Variants in CACNA1C observed in about 807,000 individuals in gnomAD.
CACNA1C encodes the protein calcium voltage-gated channel subunit alpha1 C.
Under a neutral mutation model 229.0 loss-of-function variants are expected in CACNA1C, and 30 were observed. That is an observed-to-expected ratio of 0.13 (90% CI 0.10 to 0.18). The LOEUF is 0.18. Ranked by LOEUF, CACNA1C falls within the 10% of genes least tolerant of loss-of-function variation. The pLI is 1.00. For missense variants in CACNA1C, 1,658 were observed against 2,845.0 expected, an observed-to-expected ratio of 0.58 and a Z score of 9.49; for synonymous variants, 1,114 against 1,132.5, an observed-to-expected ratio of 0.98 and a Z score of 0.33.
intron 29 of CACNA1C, among the ~76,000 whole-genome samples, chr12:2,621,627 G>C (rs891473613): frequency 6.6e-6 from 1 of 152,176 alleles, no homozygotes; most frequent in Non-Finnish European, 1.5e-5. Flanking sequence ...GAGCAGCAAG[G>C]AGCCTGATGC....
chr12:2,055,393 C>T (rs78145441), intron 1 of CACNA1C, among the ~76,000 whole-genome samples: 2,918 of 152,298 alleles, frequency 0.019, 57 homozygotes, highest in African/African-American at 0.037. Context: ...GTATCACTGT[C>T]AATGGCAATG....
chr12:2,598,193 G>C (rs2069536196), intron 21 of CACNA1C, among the ~76,000 whole-genome samples: 2 of 152,294 alleles, frequency 1.3e-5, no homozygotes, highest in Admixed American at 1.3e-4. Flanking sequence ...GGAGAGCTGA[G>C]TACAGCAGGA....
At chr12:2,004,691 C>T in intron 1 of CACNA1C, 3 of 503,950 alleles carry the variant, frequency 6.0e-6, no homozygotes, top group Non-Finnish European at 1.0e-5. Flanking sequence ...TTTCTTTCTC[C>T]AAGAGCTGTT....
chr12:2,341,370 C>T (rs114963641), intron 3 of CACNA1C, among the ~76,000 whole-genome samples: 7,443 of 152,246 alleles, frequency 0.049, 603 homozygotes, highest in African/African-American at 0.17. Context: ...AGGGATTAAA[C>T]TATCTGATGT....
chr12:2,421,682 G>A (rs1056302521), intron 3 of CACNA1C, among the ~76,000 whole-genome samples: 11 of 152,194 alleles, frequency 7.2e-5, no homozygotes, highest in African/African-American at 2.7e-4. Context: ...GGAGGCCGAG[G>A]TGGGTAGATC....
At chr12:2,129,738 C>T (rs368873891) in intron 3 of CACNA1C, among the ~76,000 whole-genome samples, 6 of 152,174 alleles carry the variant, frequency 3.9e-5, no homozygotes, top group East Asian at 1.9e-4. Context: ...CTAAGCAACC[C>T]GCACAGGGTC....
intron 3 of CACNA1C, among the ~76,000 whole-genome samples, chr12:2,183,779 G>A (rs769930962): frequency 6.6e-6 from 1 of 152,230 alleles, no homozygotes; most frequent in South Asian, 2.1e-4. Context: ...GGTTAGTCAC[G>A]GGGCTCTCCA....
chr12:2,057,552 C>T (rs1266231554), intron 1 of CACNA1C, among the ~76,000 whole-genome samples: 3 of 152,172 alleles, frequency 2.0e-5, no homozygotes, highest in African/African-American at 7.2e-5. Flanking sequence ...CAGTGTGTCT[C>T]CGTGCCGCCG....
chr12:2,289,460 T>C (rs1269821741), intron 3 of CACNA1C, among the ~76,000 whole-genome samples: 1 of 152,150 alleles, frequency 6.6e-6, no homozygotes, highest in African/African-American at 2.4e-5. Flanking sequence ...GGGGAAGAGA[T>C]AGAGAAGAGC....
At chr12:1,976,267 G>T (rs1403366030) in intron 1 of CACNA1C, among the ~76,000 whole-genome samples, 1 of 152,130 alleles carries the variant, frequency 6.6e-6, no homozygotes, top group Non-Finnish European at 1.5e-5. Context: ...CTAAGCAATG[G>T]TGCATAATAA....
intron 3 of CACNA1C, among the ~76,000 whole-genome samples, chr12:2,243,791 A>G (rs2071704473): frequency 6.6e-6 from 1 of 152,214 alleles, no homozygotes; most frequent in Non-Finnish European, 1.5e-5. Context: ...TGGTTTTGCC[A>G]ATGCTGGGCA....
At chr12:2,417,532 G>GCCTGTCGGATCAAGGGGC (rs1212108826) in intron 3 of CACNA1C, among the ~76,000 whole-genome samples, 1 of 152,174 alleles carries the variant, frequency 6.6e-6, no homozygotes, top group African/African-American at 2.4e-5. Context: ...CCTCTTTCTG[G>GCCTGTCGGATCAAGGGGC]CCTGTCGGAT....
At chr12:2,402,340 G>C (rs1336984816) in intron 3 of CACNA1C, among the ~76,000 whole-genome samples, 1 of 152,246 alleles carries the variant, frequency 6.6e-6, no homozygotes, top group African/African-American at 2.4e-5. Flanking sequence ...AGGAGACTCT[G>C]CTGGATAGTG....
At chr12:1,992,224 C>T (rs2039599111) in intron 1 of CACNA1C, 1 of 152,702 alleles carries the variant, frequency 6.5e-6, no homozygotes, top group Non-Finnish European at 1.5e-5. Context: ...ATTATAGTTT[C>T]AATAGCTTTA....
rs946108844 is a variant in CACNA1C, at chr12:2,493,584, C to G, written c.1113+198C>G. 6.6e-6 allele frequency among the ~76,000 whole-genome samples: 1 copy of G among 152,106 alleles called. No individual in the cohort carries two copies. Among genetic ancestry groups the G allele is most frequent in the East Asian group, 1.9e-4 (1 of 5,190 alleles). ...ATGAGCTTTTCACCCTAACGAGTCC[C>G]CTCCCCCACCCGCCAGCCTTAGGGG... On this transcript the variant is annotated intron_variant, in intron 7 of 46. Coordinates refer to ENST00000399655, the MANE Select transcript of CACNA1C (RefSeq NM_000719.7). This position sits in a 1 kb window ranked among gnomAD's most constrained non-coding sequence, Gnocchi z 4.6.
rs190136888 is a variant in CACNA1C, at chr12:1,989,585, A to G, written c.139+18384A>G. The stretch of plus-strand genomic sequence containing the variant: ...AAAAATCAGCCAGGCATGGTGCCAT[A>G]CACCTATAATCCCAGCTACTCAGAG... On this transcript the variant is annotated intron_variant, in intron 1 of 46. Transcript: ENST00000682462. 2.6e-5 allele frequency among the ~76,000 whole-genome samples: 4 copies of G among 152,206 alleles called. No individual in the cohort carries two copies. The East Asian group carries it at 7.8e-4, about 30-fold the overall frequency.
chr12:2,251,452 A>G (rs765887980), intron 3 of CACNA1C, among the ~76,000 whole-genome samples: 3 of 152,196 alleles, frequency 2.0e-5, no homozygotes, highest in Non-Finnish European at 4.4e-5. Flanking sequence ...TGAAATTTCC[A>G]GCAGAGGTTT....
chr12:2,106,605 T>C (rs2078793436), intron 1 of CACNA1C, among the ~76,000 whole-genome samples: 1 of 111,128 alleles, frequency 9.0e-6, no homozygotes, highest in Non-Finnish European at 2.0e-5. Flanking sequence ...GGAGAGGGTT[T>C]CCACCTCAGC....
intron 1 of CACNA1C, among the ~76,000 whole-genome samples, chr12:2,017,076 A>C (rs1036412233): frequency 6.6e-6 from 1 of 152,202 alleles, no homozygotes; most frequent in Non-Finnish European, 1.5e-5. Flanking sequence ...AGTACAATGA[A>C]AAGTCTTTAA....
Sources: allele counts gnomAD v4.1 joint callset (sites outside exome capture counted in the v4.1 genomes callset), GRCh38; gene constraint gnomAD v4.1.1; non-coding constraint Gnocchi (gnomAD v3.1); transcripts MANE v1.5; gene names NCBI Gene and HGNC (gene_info 2026-07-23, HGNC 2026-07-21).